EXOSC8: variants seen among roughly 807,000 people sequenced by gnomAD.
EXOSC8 encodes the protein exosome complex component RRP43.
EXOSC8 carries 37 observed loss-of-function variants against 39.9 expected under a neutral mutation model. The ratio of observed to expected loss-of-function variants is 0.93; its 90% confidence interval spans 0.71 to 1.22. The LOEUF is 1.22. Ranked by LOEUF, EXOSC8 falls within the 50% of genes most tolerant of loss-of-function variation. EXOSC8 has a pLI of 0.00. For synonymous variants in EXOSC8, 93 were observed against 109.5 expected, an observed-to-expected ratio of 0.85 and a Z score of 0.94; for missense variants, 313 against 326.6, an observed-to-expected ratio of 0.96 and a Z score of 0.32.
At chr13:37,002,817 A>C (rs1017752459) in intron 3 of EXOSC8, 117 bp from the exon 4 acceptor site, 1 of 725,636 alleles carries the variant, frequency 1.4e-6, no homozygotes, top group Non-Finnish European at 2.4e-6. Context: ...TAAGCAACTG[A>C]GAGGGGTAGC....
rs763181416 is a variant in EXOSC8 at position 37,000,841 on chromosome 13, C to T, written c.17+19C>T. ...GGTTCAAGTGAGTGTTGGCGGGTGGCGGGTAGAGTTCTGTACCCTGGCGGA... is the reference window on the plus strand; with the variant it reads ...GGTTCAAGTGAGTGTTGGCGGGTGGTGGGTAGAGTTCTGTACCCTGGCGGA... On this transcript the variant is annotated intron_variant, in intron 1 of 10. Transcript: ENST00000389704. 2.6e-6 allele frequency: 4 copies of T among 1,559,984 alleles called. No individual in the cohort carries two copies. Among genetic ancestry groups the T allele is most frequent in the East Asian group, 2.4e-5 (1 of 40,978 alleles).
intron 7 of EXOSC8, 54 bp downstream of exon 7, chr13:37,006,214 T>C: frequency 8.1e-7 from 1 of 1,240,646 alleles, no homozygotes; most frequent in Non-Finnish European, 1.2e-6. Flanking sequence ...GGATTTTTTT[T>C]TTGTGGGGGA....
intron 8 of EXOSC8, 99 bp from the exon 9 acceptor site, chr13:37,007,958 G>C (rs1186641728): frequency 1.2e-6 from 1 of 863,528 alleles, no homozygotes; most frequent in Non-Finnish European, 1.8e-6. Context: ...AATGTTCTGG[G>C]CAAGTTAAAT....
At position 37,006,322 on chromosome 13, in the gene EXOSC8, C is replaced by T. The variant is rs73541716; in HGVS notation, c.390+162C>T. 3.3e-3 allele frequency among the ~76,000 whole-genome samples: 495 copies of T among 152,142 alleles called. 2 individuals are homozygous for T. Among genetic ancestry groups the T allele is most frequent in the African/African-American group, 0.011 (469 of 41,502 alleles). On this transcript the variant is annotated intron_variant, in intron 7 of 10. Coordinates refer to ENST00000389704, the MANE Select transcript of EXOSC8 (RefSeq NM_181503.3). ...CAGTAATTTCTTACTCTATAATTCT[C>T]TAAATGAACCATATTGTTTATAAAA... is the stretch of plus-strand genomic sequence containing the variant.
intron 9 of EXOSC8, 54 bp downstream of exon 9, chr13:37,008,231 G>A (rs1237257911): frequency 3.6e-5 from 51 of 1,419,812 alleles, no homozygotes; most frequent in Non-Finnish European, 4.9e-5. Context: ...TAGGGTAATT[G>A]ATGTTCAGCA....
At position 37,009,134 on chromosome 13, in the gene EXOSC8, G is replaced by T. The variant is rs529504963; in HGVS notation, c.716-50G>T. The T allele has an allele frequency of 1.9e-5, 23 of 1,221,552 alleles. No homozygotes were observed. The South Asian group carries it at 2.9e-4, about 15-fold the overall frequency. The allele number at this position is 1,221,552 out of a possible 1,614,324, so 75.7% of individuals were successfully genotyped here. ...ATTTGACATGACATTAATGTTTTTT[G>T]AAAAGGAATGATAACTGAGATTAAA... On this transcript the variant is annotated intron_variant, in intron 10 of 10. Coordinates refer to ENST00000389704, the MANE Select transcript of EXOSC8 (RefSeq NM_181503.3).
chr13:37,003,781 T>A (rs974648504), intron 4 of EXOSC8: 4 of 152,236 alleles, frequency 2.6e-5, no homozygotes, highest in African/African-American at 9.7e-5. Context: ...ATGAGGAGTT[T>A]AAGGTAAGAG....
intron 1 of EXOSC8, chr13:37,001,342 G>C (rs1275646010): frequency 1.3e-5 from 2 of 152,820 alleles, no homozygotes; most frequent in African/African-American, 4.8e-5. Context: ...CCGGGAGGCA[G>C]AGGTTGTAGT....
rs765834493 is a variant in EXOSC8, at chr13:37,008,735, G to A, written c.615G>A (p.Leu205=). ...ATSFAVFDDT[L]LIVDPTGEEE... ...TATTTTTTTCTTTTTATAGCACTTT[G>A]CTTATAGTTGACCCTACTGGAGAGG... Residue 205 remains leucine (L), a synonymous_variant, in exon 10 of 11, where the codon TTG becomes TTA. Transcript: ENST00000389704. 3.7e-6 allele frequency: 6 copies of A among 1,603,454 alleles called. No individual in the cohort carries two copies. In the South Asian group the frequency reaches 4.4e-5, roughly 12 times the overall value.
At chr13:37,006,464 CATTA>C (rs2059139864) in intron 7 of EXOSC8, among the ~76,000 whole-genome samples, 1 of 152,040 alleles carries the variant, frequency 6.6e-6, no homozygotes, top group Middle Eastern at 3.4e-3. Flanking sequence ...CAGATTATAA[CATTA>C]ATCATGTTAA....
rs771017758 is a variant in EXOSC8, at chr13:37,007,091, A to C, written c.487+20A>C. 1.4e-6 allele frequency: 2 copies of C among 1,475,916 alleles called. No individual in the cohort carries two copies. The highest frequency in any genetic ancestry group is 1.9e-6 in the Non-Finnish European group (2 of 1,053,792). 91.4% of individuals were successfully genotyped at this position (1,475,916 alleles called of 1,614,324 possible). A position where few individuals can be genotyped will look rare whatever the true frequency, so the allele number is the denominator to read the frequency against. On this transcript the variant is annotated intron_variant, in intron 8 of 10. Transcript: ENST00000389704. ...AAAATGGTAAGCAGCCTTACAAAAA[A>C]GGCAATATTCCCACTCATGGGTTAG...
rs760611441 is a variant in EXOSC8 at position 37,006,506 on chromosome 13, A to G, written c.390+346A>G. On this transcript the variant is annotated intron_variant, in intron 7 of 10. Coordinates refer to ENST00000389704, the MANE Select transcript of EXOSC8 (RefSeq NM_181503.3). Reference sequence around the variant, plus strand: ...TATGTTTATGGTGAATCCACACAGTAGATTCCAAAGTCTATTTGAAAATGT... The same window carrying G: ...TATGTTTATGGTGAATCCACACAGTGGATTCCAAAGTCTATTTGAAAATGT... Among the ~76,000 whole-genome samples, 20 of 152,210 alleles carry G rather than the reference A, an allele frequency of 1.3e-4. 1 individual carries two copies. Among genetic ancestry groups the G allele is most frequent in the Non-Finnish European group, 2.5e-4 (17 of 68,034 alleles).
In EXOSC8 at chr13:37,009,456, AT is replaced by A. The variant is rs1162886925; in HGVS notation, c.*162del. ...CATATATATTATGTATAGTGAAACC[AT>A]TTTTAAAAAGCAATGACTTAGGCAA... On this transcript the variant is annotated 3_prime_UTR_variant, in exon 11 of 11. Transcript: ENST00000389704. 2 of 751,600 alleles carry A rather than the reference AT, an allele frequency of 2.7e-6. No individual in the cohort carries two copies. Among genetic ancestry groups the A allele is most frequent in the Admixed American group, 5.8e-5 (2 of 34,528 alleles). The allele number at this position is 751,600 out of a possible 1,614,324, so 46.6% of individuals were successfully genotyped here. A position where few individuals can be genotyped will look rare whatever the true frequency, so the allele number is the denominator to read the frequency against.
chr13:37,004,558 GT>G lies in EXOSC8; in HGVS notation c.237del (p.Val80PhefsTer39). 6.3e-7 allele frequency: 1 copy of G among 1,595,996 alleles called. No individual in the cohort carries two copies. The highest frequency in any genetic ancestry group is 8.6e-7 in the Non-Finnish European group (1 of 1,165,056). On this transcript the variant is annotated frameshift_variant and splice_region_variant, in exon 5 of 11. Coordinates refer to ENST00000389704, the MANE Select transcript of EXOSC8 (RefSeq NM_181503.3). LOFTEE classifies it high-confidence loss of function. The part of the protein sequence containing the change: ...PSTDAPDKGY[V>X]VPNVDLPPLC... ...AACAGATGCCCCTGATAAAGGATACGTTGGTAAGTTAAATGGTTTTGTAATT... is the reference window on the plus strand; with the variant it reads ...AACAGATGCCCCTGATAAAGGATACGTGGTAAGTTAAATGGTTTTGTAATT...
chr13:37,005,386 A>AT (rs2059131531), intron 5 of EXOSC8, among the ~76,000 whole-genome samples: 1 of 152,146 alleles, frequency 6.6e-6, no homozygotes, highest in African/African-American at 2.4e-5. Flanking sequence ...TCTAAAATAG[A>AT]TTTTTTAAAA....
chr13:37,006,548 G>A (rs2059140405), intron 7 of EXOSC8, among the ~76,000 whole-genome samples: 1 of 151,974 alleles, frequency 6.6e-6, no homozygotes, highest in Non-Finnish European at 1.5e-5. Context: ...AGGTTGATTA[G>A]AACCTAGAGA....
chr13:37,008,005 A>C lies in EXOSC8; in HGVS notation c.488-52A>C, dbSNP rs546218887. The C allele has an allele frequency of 1.2e-4, 160 of 1,388,702 alleles. No homozygotes were observed. The South Asian group carries it at 1.9e-3, about 16-fold the overall frequency. The allele number at this position is 1,388,702 out of a possible 1,614,324, so 86.0% of individuals were successfully genotyped here. On this transcript the variant is annotated intron_variant, in intron 8 of 10. Coordinates refer to ENST00000389704, the MANE Select transcript of EXOSC8 (RefSeq NM_181503.3). ...TGAATTAAAAAAAAAAAAGCTTAGAAATCATTTGTTTCTTAGAGACTTACT... is the reference window on the plus strand; with the variant it reads ...TGAATTAAAAAAAAAAAAGCTTAGACATCATTTGTTTCTTAGAGACTTACT...
chr13:37,005,603 C>T (rs1294669420), intron 5 of EXOSC8, among the ~76,000 whole-genome samples: 1 of 151,990 alleles, frequency 6.6e-6, no homozygotes, highest in Non-Finnish European at 1.5e-5. Context: ...CATGGTGGCT[C>T]ACACCTGTAA....
intron 3 of EXOSC8, 152 bp from the exon 4 acceptor site, chr13:37,002,782 C>A: frequency 1.5e-6 from 1 of 674,246 alleles, no homozygotes; most frequent in Non-Finnish European, 2.6e-6. Context: ...ATGTAAAAAT[C>A]AATTATTCTA....
Sources: allele counts gnomAD v4.1 joint callset (sites outside exome capture counted in the v4.1 genomes callset), GRCh38; gene constraint gnomAD v4.1.1; transcripts MANE v1.5; gene names NCBI Gene and HGNC (gene_info 2026-07-23, HGNC 2026-07-21).